Variants in UNC13C observed in about 807,000 individuals in gnomAD.
UNC13C encodes unc-13 homolog C.
In UNC13C, 174 loss-of-function variants were observed where a neutral mutation model predicts 245.4. The ratio of observed to expected loss-of-function variants is 0.71; its 90% CI spans 0.63 to 0.80. The LOEUF (loss-of-function observed/expected upper bound fraction) is 0.80. UNC13C is among the 30% of genes least tolerant of loss of function. The probability of loss-of-function intolerance (pLI) is 0.00; values close to 1 mark genes in which losing one functional copy is unlikely to be tolerated. For synonymous variants in UNC13C, 992 were observed against 895.1 expected, an observed-to-expected ratio of 1.11 and a Z score of -1.93; for missense variants, 2,829 against 2,602.9, an observed-to-expected ratio of 1.09 and a Z score of -1.89.
intron 4 of UNC13C, among the ~76,000 whole-genome samples, chr15:54,209,126 C>T (rs2034801933): frequency 6.6e-6 from 1 of 152,096 alleles, no homozygotes; most frequent in Non-Finnish European, 1.5e-5. Flanking sequence ...TCCCACTCTA[C>T]TGTGAATGTT....
chr15:54,091,351 C>G (rs1010643706), intron 2 of UNC13C, among the ~76,000 whole-genome samples: 3 of 152,164 alleles, frequency 2.0e-5, no homozygotes, highest in African/African-American at 7.2e-5. Context: ...CTTTTCTTGA[C>G]TCTTTTCCCC....
At chr15:54,175,970 CAT>C (rs1390467961) in intron 4 of UNC13C, among the ~76,000 whole-genome samples, 3 of 152,174 alleles carry the variant, frequency 2.0e-5, no homozygotes, top group African/African-American at 7.2e-5. Flanking sequence ...TAGTATAAAA[CAT>C]ATATTTAGTG....
In UNC13C at chr15:54,476,200, G is replaced by A. The variant is rs1461575721; in HGVS notation, c.4934-18408G>A. 1.3e-4 allele frequency among the ~76,000 whole-genome samples: 17 copies of A among 130,254 alleles called. No individual in the cohort carries two copies. The South Asian group carries it at 2.4e-3, about 19-fold the overall frequency. The allele number at this position is 130,254 out of a possible 152,430, so 85.5% of individuals were successfully genotyped here. On this transcript the variant is annotated intron_variant, in intron 19 of 32. Coordinates refer to ENST00000260323, the MANE Select transcript of UNC13C (RefSeq NM_001080534.3). ...TGTGTTTGAGTTCATTGTAGATTCTGGATATTAGCCCTTTGTCAGATGAGT... is the reference window on the plus strand; with the variant it reads ...TGTGTTTGAGTTCATTGTAGATTCTAGATATTAGCCCTTTGTCAGATGAGT...
intron 19 of UNC13C, among the ~76,000 whole-genome samples, chr15:54,452,819 A>T (rs760485039): frequency 1.3e-5 from 2 of 152,106 alleles, no homozygotes; most frequent in Non-Finnish European, 2.9e-5. Flanking sequence ...GCAGCTGCCA[A>T]TGGAGCAGCC....
intron 4 of UNC13C, among the ~76,000 whole-genome samples, chr15:54,172,148 C>T (rs889568725): frequency 6.6e-6 from 1 of 151,642 alleles, no homozygotes; most frequent in Non-Finnish European, 1.5e-5. Flanking sequence ...TTAATGAATA[C>T]AAAAATAGAG....
intron 8 of UNC13C, among the ~76,000 whole-genome samples, chr15:54,259,837 T>C (rs2036379280): frequency 6.6e-6 from 1 of 152,228 alleles, no homozygotes; most frequent in African/African-American, 2.4e-5. Flanking sequence ...TTCAAAGAAT[T>C]GCAAATCCAA....
chr15:54,416,128 C>A (rs921944897), intron 19 of UNC13C, among the ~76,000 whole-genome samples: 7 of 152,056 alleles, frequency 4.6e-5, no homozygotes, highest in Non-Finnish European at 8.8e-5. Context: ...TGTGGGCCAT[C>A]GTGAGGAGTT....
intron 2 of UNC13C, among the ~76,000 whole-genome samples, chr15:54,103,474 C>T (rs1308689702): frequency 3.3e-5 from 5 of 152,152 alleles, no homozygotes; most frequent in Non-Finnish European, 5.9e-5. Flanking sequence ...GTTTACCAAC[C>T]GTGTTCAAAT....
chr15:54,535,590 C>T (rs1895952292), intron 26 of UNC13C, among the ~76,000 whole-genome samples: 1 of 152,092 alleles, frequency 6.6e-6, no homozygotes, highest in Non-Finnish European at 1.5e-5. Flanking sequence ...ATCAATCACA[C>T]AATCAGCCAC....
chr15:54,567,705 T>A, intron 29 of UNC13C, 95 bp from the exon 30 acceptor site: 1 of 1,156,808 alleles, frequency 8.6e-7, no homozygotes, highest in South Asian at 2.0e-5. Context: ...TTGATCAAAT[T>A]GTATTATTCC....
At chr15:54,260,911 T>A (rs2036407964) in intron 8 of UNC13C, among the ~76,000 whole-genome samples, 1 of 151,940 alleles carries the variant, frequency 6.6e-6, no homozygotes. Flanking sequence ...TAATTTCACC[T>A]GAAGTTTAGA....
chr15:54,408,118 A>G (rs573256340), intron 18 of UNC13C, among the ~76,000 whole-genome samples: 172 of 145,196 alleles, frequency 1.2e-3, no homozygotes, highest in Non-Finnish European at 2.1e-3. Flanking sequence ...GGAGAGTGGC[A>G]TGAACCCGAG....
chr15:54,534,319 C>T (rs1895893890), intron 26 of UNC13C, among the ~76,000 whole-genome samples: 1 of 152,202 alleles, frequency 6.6e-6, no homozygotes, highest in Admixed American at 6.5e-5. Context: ...AAGCCTTGGC[C>T]CCCTGAAATC....
intron 19 of UNC13C, among the ~76,000 whole-genome samples, chr15:54,492,848 A>G (rs1216734600): frequency 6.6e-6 from 1 of 152,172 alleles, no homozygotes; most frequent in Non-Finnish European, 1.5e-5. Flanking sequence ...GCATTTGGAC[A>G]TTGTCACCTT....
At chr15:53,980,501 A>G (rs1276986625) in intron 1 of UNC13C, among the ~76,000 whole-genome samples, 1 of 152,232 alleles carries the variant, frequency 6.6e-6, no homozygotes, top group Non-Finnish European at 1.5e-5. Flanking sequence ...TTTTTAAACT[A>G]ATAAACTGAT....
chr15:54,491,951 C>G (rs1175250447), intron 19 of UNC13C, among the ~76,000 whole-genome samples: 2 of 151,162 alleles, frequency 1.3e-5, no homozygotes, highest in Admixed American at 6.6e-5. Context: ...GAGATCACAC[C>G]ACTGCACTCC....
chr15:54,024,409 T>C (rs761856651), intron 2 of UNC13C, among the ~76,000 whole-genome samples: 1 of 152,152 alleles, frequency 6.6e-6, no homozygotes, highest in Non-Finnish European at 1.5e-5. Context: ...GTAAAAGCTT[T>C]ATTGTTCAGA....
the UNC13C span, among the ~76,000 whole-genome samples, chr15:53,890,439 C>G: frequency 3.9e-5 from 6 of 152,174 alleles, no homozygotes; most frequent in Admixed American, 3.9e-4. Flanking sequence ...CTGCGCCCAG[C>G]TACCAGTTCC....
At chr15:54,373,861 C>T (rs2039548300) in intron 17 of UNC13C, among the ~76,000 whole-genome samples, 1 of 152,172 alleles carries the variant, frequency 6.6e-6, no homozygotes, top group South Asian at 2.1e-4. Context: ...ACACCGACAA[C>T]TAAAGGGTGA....
Sources: allele counts gnomAD v4.1 joint callset (sites outside exome capture counted in the v4.1 genomes callset), GRCh38; gene constraint gnomAD v4.1.1; transcripts MANE v1.5; gene names NCBI Gene and HGNC (gene_info 2026-07-23, HGNC 2026-07-21).